The following STRN3 variants were observed in gnomAD, a reference collection of about 807,000 sequenced individuals.
STRN3 encodes striatin 3.
A neutral mutation model predicts 95.6 loss-of-function variants in STRN3; 29 were observed. The observed-to-expected ratio is 0.30, with a 90% CI of 0.23 to 0.41. The LOEUF is 0.41. Among genes scored for constraint, STRN3 ranks in the 10% least tolerant of loss-of-function variants. STRN3 has a pLI of 1.00. For synonymous variants in STRN3, 331 were observed against 357.6 expected, an observed-to-expected ratio of 0.93 and a Z score of 0.84; for missense variants, 890 against 972.1, an observed-to-expected ratio of 0.92 and a Z score of 1.12.
chr14:31,011,550 C>T (rs1357851115), intron 1 of STRN3, among the ~76,000 whole-genome samples: 1 of 151,998 alleles, frequency 6.6e-6, no homozygotes, highest in Non-Finnish European at 1.5e-5. Flanking sequence ...GGCTGAGGCA[C>T]AAGAATTGCT....
At chr14:30,983,939 A>T (rs1014247221) in intron 1 of STRN3, among the ~76,000 whole-genome samples, 1 of 152,140 alleles carries the variant, frequency 6.6e-6, no homozygotes, top group Admixed American at 6.5e-5. Flanking sequence ...TCATGTAGAC[A>T]TTACTTATCA....
chr14:30,915,544 G>T (rs1190356528), intron 9 of STRN3, among the ~76,000 whole-genome samples: 1 of 152,070 alleles, frequency 6.6e-6, no homozygotes, highest in Non-Finnish European at 1.5e-5. Flanking sequence ...CCAATTATTA[G>T]TATGCAGTTA....
At chr14:30,998,771 T>C (rs899470765) in intron 1 of STRN3, among the ~76,000 whole-genome samples, 49 of 149,466 alleles carry the variant, frequency 3.3e-4, no homozygotes, top group Admixed American at 6.0e-4. Flanking sequence ...CCCTGGGGGG[T>C]GGGTGAATCT....
intron 7 of STRN3, among the ~76,000 whole-genome samples, chr14:30,929,961 A>ACAAACAAACAAAC (rs1566441362): frequency 6.9e-6 from 1 of 144,152 alleles, no homozygotes; most frequent in East Asian, 2.1e-4. Context: ...TAGCAAAAAA[A>ACAAACAAACAAAC]AAAAAAAAAA....
intron 1 of STRN3, chr14:31,018,536 A>G: frequency 2.3e-6 from 1 of 434,810 alleles, no homozygotes; most frequent in Non-Finnish European, 4.6e-6. Flanking sequence ...GGTAAAGGAC[A>G]TCCTGGCTGA....
At chr14:30,922,171 G>A (rs1896901368) in intron 8 of STRN3, among the ~76,000 whole-genome samples, 2 of 152,120 alleles carry the variant, frequency 1.3e-5, no homozygotes. Flanking sequence ...CCACAGGCAT[G>A]CACTACCACA....
At chr14:30,965,768 C>CAAAA (rs57644568) in intron 1 of STRN3, among the ~76,000 whole-genome samples, 1 of 103,782 alleles carries the variant, frequency 9.6e-6, no homozygotes. Context: ...AACTCCATCT[C>CAAAA]AAAAAAAAAA....
intron 1 of STRN3, among the ~76,000 whole-genome samples, chr14:30,986,292 A>C (rs545046459): frequency 2.7e-5 from 4 of 150,730 alleles, no homozygotes; most frequent in African/African-American, 9.7e-5. Context: ...TAAGATTAAA[A>C]GAAAATTAAG....
chr14:30,912,251 G>T, intron 10 of STRN3, 69 bp from the exon 11 acceptor site: 5 of 1,466,596 alleles, frequency 3.4e-6, no homozygotes, highest in Non-Finnish European at 4.6e-6. Flanking sequence ...GTGTTTGTTC[G>T]TTTCTTTTTG....
At chr14:30,899,920 T>G (rs1896259290) in intron 16 of STRN3, among the ~76,000 whole-genome samples, 1 of 152,182 alleles carries the variant, frequency 6.6e-6, no homozygotes, top group Admixed American at 6.5e-5. Context: ...TCTATCATGT[T>G]TCAGATATAA....
At chr14:30,983,859 C>T (rs559797079) in intron 1 of STRN3, among the ~76,000 whole-genome samples, 38 of 152,164 alleles carry the variant, frequency 2.5e-4, no homozygotes, top group South Asian at 1.7e-3. Flanking sequence ...CTCTATAATA[C>T]ATATCTAACT....
At chr14:31,017,659 G>T (rs1004148080) in intron 1 of STRN3, among the ~76,000 whole-genome samples, 1 of 152,152 alleles carries the variant, frequency 6.6e-6, no homozygotes, top group South Asian at 2.1e-4. Flanking sequence ...GAAGGTATAT[G>T]AATGTATTCT....
At chr14:31,020,557 T>C (rs1468992911) in intron 1 of STRN3, among the ~76,000 whole-genome samples, 1 of 152,066 alleles carries the variant, frequency 6.6e-6, no homozygotes, top group Non-Finnish European at 1.5e-5. Context: ...CTCCATTACA[T>C]ATACAGGTTT....
chr14:30,975,542 G>GA (rs538959303), intron 1 of STRN3, among the ~76,000 whole-genome samples: 5,968 of 30,260 alleles, frequency 0.2, 189 homozygotes, highest in Middle Eastern at 0.25. Context: ...CCCCCCTACT[G>GA]AAAAAAAAAA....
chr14:31,002,166 C>CAAAAAA (rs757001835), intron 1 of STRN3, among the ~76,000 whole-genome samples: 2 of 19,286 alleles, frequency 1.0e-4, no homozygotes, highest in Non-Finnish European at 1.7e-4. Context: ...AATTCCATCT[C>CAAAAAA]AAAAAAAAAA....
chr14:30,902,520 A>G lies in STRN3; in HGVS notation c.2137+16T>C. On this transcript the variant is annotated intron_variant, in intron 16 of 17. Coordinates refer to ENST00000357479, the MANE Select transcript of STRN3 (RefSeq NM_001083893.2). ...TTTACAGTATTACTAATATGAAAAG[A>G]AGACAATTTGCTTACCCGTTTTATT... 6.7e-7 allele frequency: 1 copy of G among 1,501,518 alleles called. No individual in the cohort carries two copies. The highest frequency in any genetic ancestry group is 1.2e-5 in the South Asian group (1 of 83,366). 93.0% of individuals were successfully genotyped at this position (1,501,518 alleles called of 1,614,324 possible).
rs909815236 is a variant in STRN3, at chr14:30,895,327, C to T, written c.*84G>A. Reference sequence around the variant, plus strand: ...TCACCAGGCAGATCACATGTAGTGTCATATCAGTAACCTTTCTGATGGCAG... The same window carrying T: ...TCACCAGGCAGATCACATGTAGTGTTATATCAGTAACCTTTCTGATGGCAG... On this transcript the variant is annotated 3_prime_UTR_variant, in exon 18 of 18. Coordinates refer to ENST00000357479, the MANE Select transcript of STRN3 (RefSeq NM_001083893.2). 2 of 1,378,504 alleles carry T rather than the reference C, an allele frequency of 1.5e-6. No individual in the cohort carries two copies. The highest frequency in any genetic ancestry group is 1.5e-5 in the South Asian group (1 of 68,146). 85.4% of individuals were successfully genotyped at this position (1,378,504 alleles called of 1,614,324 possible). A position where few individuals can be genotyped will look rare whatever the true frequency, so the allele number is the denominator to read the frequency against.
intron 1 of STRN3, among the ~76,000 whole-genome samples, chr14:30,997,465 C>T (rs970791479): frequency 6.6e-6 from 1 of 152,128 alleles, no homozygotes. Context: ...AGATTAGAGC[C>T]CGCCAAAGTT....
chr14:30,929,226 T>C lies in STRN3; in HGVS notation c.1074A>G (p.Glu358=), dbSNP rs1279333171. Residue 358 remains glutamate (E), a synonymous_variant, in exon 8 of 18, where the codon GAA becomes GAG. Transcript: ENST00000357479. ...ISKLKEQYKK[E]RKGKKGVKRA... Reference sequence around the variant, plus strand: ...TCTTCACCCCTTTCTTCCCCTTTCGTTCCTTCTTGTACTGTTCCTTCAGTT... The same window carrying C: ...TCTTCACCCCTTTCTTCCCCTTTCGCTCCTTCTTGTACTGTTCCTTCAGTT... 2 of 1,610,086 alleles carry C rather than the reference T, an allele frequency of 1.2e-6. 1 individual carries two copies. Among genetic ancestry groups the C allele is most frequent in the Admixed American group, 3.4e-5 (2 of 59,400 alleles).
Sources: gnomAD v4.1 joint callset for allele counts (sites outside exome capture counted in the v4.1 genomes callset) on GRCh38, gnomAD v4.1.1 for gene constraint, MANE v1.5 for transcripts, NCBI Gene and HGNC (gene_info 2026-07-23, HGNC 2026-07-21) for gene names.